Variants in AOAH observed in about 807,000 individuals in gnomAD.
AOAH encodes the protein acyloxyacyl hydrolase.
Under a neutral mutation model 92.2 loss-of-function variants are expected in AOAH, and 64 were observed. The ratio of observed to expected loss-of-function variants is 0.69; its 90% confidence interval spans 0.57 to 0.86. AOAH has a LOEUF of 0.86. Ranked by LOEUF, AOAH falls within the 40% of genes least tolerant of loss-of-function variation. AOAH has a pLI of 0.00. For missense variants in AOAH, 656 were observed against 694.6 expected (o/e 0.94, Z 0.62); for synonymous variants, 263 against 254.5 (o/e 1.03, Z -0.32).
At chr7:36,690,289 T>C (rs772857184) in intron 1 of AOAH, 3 of 393,746 alleles carry the variant, frequency 7.6e-6, no homozygotes, top group Non-Finnish European at 1.0e-5. Context: ...TGAAGAGTTA[T>C]GATGATCAAA....
chr7:36,598,033 G>A (rs1177270290), intron 11 of AOAH: 1 of 152,148 alleles, frequency 6.6e-6, no homozygotes, highest in East Asian at 1.9e-4. Context: ...AGGGGATGTC[G>A]AGAGGAGGGG....
chr7:36,532,664 G>A (rs985339439), intron 16 of AOAH, among the ~76,000 whole-genome samples: 14 of 152,204 alleles, frequency 9.2e-5, no homozygotes, highest in Admixed American at 6.5e-5. Flanking sequence ...AGCTCAATGT[G>A]AACCAGGATG....
At chr7:36,600,101 GT>G (rs1470512807) in intron 11 of AOAH, 1 of 152,238 alleles carries the variant, frequency 6.6e-6, no homozygotes, top group East Asian at 1.9e-4. Flanking sequence ...TTAAGCGAGA[GT>G]GGGGAAGAGA....
chr7:36,644,573 T>A (rs1371216693), intron 4 of AOAH, among the ~76,000 whole-genome samples: 1 of 152,174 alleles, frequency 6.6e-6, no homozygotes. Context: ...CACAACAGAA[T>A]GTCCTGAGAC....
chr7:36,707,808 A>G (rs1481386953), intron 1 of AOAH, among the ~76,000 whole-genome samples: 1 of 149,746 alleles, frequency 6.7e-6, no homozygotes, highest in African/African-American at 2.5e-5. Context: ...GTTTCTTGAG[A>G]TTCTTGGATC....
At chr7:36,608,998 G>T (rs1207495896) in intron 11 of AOAH, among the ~76,000 whole-genome samples, 1 of 151,976 alleles carries the variant, frequency 6.6e-6, no homozygotes, top group Non-Finnish European at 1.5e-5. Flanking sequence ...GGCTGGCTGA[G>T]ACCCTGTGGG....
Position 36,614,603 on chromosome 7 carries a change from G to T in AOAH, c.846+1777C>A, listed in dbSNP as rs181579522. On this transcript the variant is annotated intron_variant, in intron 11 of 20. Coordinates refer to ENST00000617537, the MANE Select transcript of AOAH (RefSeq NM_001637.4). This position sits in a 1 kb window ranked among gnomAD's most constrained non-coding sequence, Gnocchi z 4.2. ...GCCTGTCTTCTCCTTCTTGCCCTGC[G>T]ACTGCTGCACCCTCCAACAAAGTGG... Among the ~76,000 whole-genome samples the T allele has an allele frequency of 3.0e-4, 46 of 152,208 alleles. No individual in the cohort carries two copies. The highest frequency in any genetic ancestry group is 2.6e-3 in the Admixed American group (40 of 15,290).
chr7:36,541,433 C>T (rs1004563685), intron 15 of AOAH, among the ~76,000 whole-genome samples: 4 of 152,296 alleles, frequency 2.6e-5, no homozygotes, highest in East Asian at 1.9e-4. Context: ...CTGAAAGTGA[C>T]GAATCTTTAC....
intron 1 of AOAH, among the ~76,000 whole-genome samples, chr7:36,693,364 G>A (rs1797524526): frequency 6.6e-6 from 1 of 152,062 alleles, no homozygotes; most frequent in Non-Finnish European, 1.5e-5. Context: ...AAATACTATA[G>A]TGACTTCTAC....
intron 20 of AOAH, chr7:36,514,459 G>A (rs2115636300): frequency 1.3e-6 from 2 of 1,525,828 alleles, no homozygotes; most frequent in Admixed American, 3.9e-5. Context: ...GGCTTTCCCA[G>A]CCTGAGGCTT....
intron 20 of AOAH, among the ~76,000 whole-genome samples, chr7:36,519,223 C>T (rs1164961503): frequency 6.6e-6 from 1 of 152,164 alleles, no homozygotes; most frequent in Non-Finnish European, 1.5e-5. Flanking sequence ...TTCCTTAATA[C>T]GCGGTAGATT....
chr7:36,594,195 A>G (rs1327995077), intron 12 of AOAH, 144 bp downstream of exon 12: 1 of 686,782 alleles, frequency 1.5e-6, no homozygotes, highest in Non-Finnish European at 2.6e-6. Context: ...ATTACATCCT[A>G]CTGTATGGTG....
intron 1 of AOAH, among the ~76,000 whole-genome samples, chr7:36,703,747 G>C (rs1314896120): frequency 6.6e-6 from 1 of 152,140 alleles, no homozygotes; most frequent in African/African-American, 2.4e-5. Flanking sequence ...GTCTGCTATT[G>C]TGAACAGTGC....
At position 36,637,859 on chromosome 7, in the gene AOAH, G is replaced by C. The variant is rs1275232173; in HGVS notation, c.442C>G (p.Pro148Ala). Residue 148 changes from proline to alanine, a missense_variant, in exon 5 of 21, where the codon CCG becomes GCG. Pro to Ala is a conservative substitution (Grantham distance 27). Transcript: ENST00000617537. ...QKARQIVKKS[P>A]ILKYSRSGSD... is the part of the protein sequence containing the mutation. ...ACGTGCTTAGTGCTTACCAGAATCG[G>C]GGACTTCTTGACAATTTGTCTTGCC... 1 of 1,613,980 alleles carries C rather than the reference G, an allele frequency of 6.2e-7. No individual in the cohort carries two copies. The highest frequency in any genetic ancestry group is 8.5e-7 in the Non-Finnish European group (1 of 1,179,928).
rs542681315 is a variant in AOAH at position 36,520,782 on chromosome 7, G to T, written c.1599+1257C>A. Among the ~76,000 whole-genome samples the T allele has an allele frequency of 5.3e-5, 8 of 152,018 alleles. No homozygotes were observed. In the South Asian group the frequency reaches 1.7e-3, roughly 32 times the overall value. The stretch of plus-strand genomic sequence containing the variant: ...AAAACCAAAGACATCATTTTTGGGG[G>T]ATCAGACCCTGATATTTAACCAGAA... On this transcript the variant is annotated intron_variant, in intron 20 of 20. Coordinates refer to ENST00000617537, the MANE Select transcript of AOAH (RefSeq NM_001637.4).
intron 19 of AOAH, among the ~76,000 whole-genome samples, chr7:36,528,210 G>C (rs1784503944): frequency 6.6e-6 from 1 of 152,226 alleles, no homozygotes; most frequent in Non-Finnish European, 1.5e-5. Flanking sequence ...AATAGCAGGA[G>C]ATTACAAAAC....
chr7:36,646,514 T>TG (rs759746543), intron 4 of AOAH, among the ~76,000 whole-genome samples: 3 of 152,236 alleles, frequency 2.0e-5, no homozygotes, highest in Non-Finnish European at 4.4e-5. Flanking sequence ...TTTCAGGTTG[T>TG]GTGATCAGTC....
intron 2 of AOAH, among the ~76,000 whole-genome samples, chr7:36,674,640 T>C (rs985022483): frequency 3.9e-5 from 6 of 152,238 alleles, no homozygotes; most frequent in Non-Finnish European, 7.3e-5. Context: ...ACTTGTTAGC[T>C]CTTTGGTCCT....
chr7:36,623,535 G>T (rs1792434161), intron 6 of AOAH, among the ~76,000 whole-genome samples: 1 of 152,224 alleles, frequency 6.6e-6, no homozygotes, highest in African/African-American at 2.4e-5. Flanking sequence ...GGGTATTGAT[G>T]TTGAGATTCC....
Sources: allele counts gnomAD v4.1 joint callset (sites outside exome capture counted in the v4.1 genomes callset), GRCh38; gene constraint gnomAD v4.1.1; non-coding constraint Gnocchi (gnomAD v3.1); transcripts MANE v1.5; gene names NCBI Gene and HGNC (gene_info 2026-07-23, HGNC 2026-07-21).